The following KCNH8 variants were observed in gnomAD, a reference collection of about 807,000 sequenced individuals.
KCNH8 encodes potassium voltage-gated channel subfamily H member 8.
A neutral mutation model predicts 103.6 loss-of-function variants in KCNH8; 70 were observed. The observed-to-expected ratio is 0.68, with a 90% CI of 0.56 to 0.82. KCNH8 has a LOEUF of 0.82. Among genes scored for constraint, KCNH8 ranks in the 40% least tolerant of loss-of-function variants. The pLI is 0.00. For missense variants in KCNH8, 1,217 were observed against 1,329.9 expected (o/e 0.92, Z 1.32); for synonymous variants, 498 against 489.4 (o/e 1.02, Z -0.23).
intron 1 of KCNH8, among the ~76,000 whole-genome samples, chr3:19,223,203 C>A (rs1183106187): frequency 2.6e-5 from 4 of 152,056 alleles, no homozygotes; most frequent in African/African-American, 9.7e-5. Flanking sequence ...GTCAGCAACT[C>A]CAAATCTGGG....
intron 3 of KCNH8, among the ~76,000 whole-genome samples, chr3:19,307,399 G>C (rs2125294089): frequency 6.6e-6 from 1 of 151,890 alleles, no homozygotes; most frequent in East Asian, 1.9e-4. Flanking sequence ...ATCAAAAAAA[G>C]CAAAGCTGTG....
intron 4 of KCNH8, chr3:19,346,601 C>T: frequency 6.6e-6 from 3 of 456,090 alleles, no homozygotes; most frequent in South Asian, 1.6e-5. Flanking sequence ...TGACAGTCAC[C>T]ACTTAGAGCT....
chr3:19,410,609 G>C (rs1250709398), intron 7 of KCNH8, among the ~76,000 whole-genome samples: 1 of 151,812 alleles, frequency 6.6e-6, no homozygotes, highest in African/African-American at 2.4e-5. Flanking sequence ...CCAAAATTTA[G>C]TTTCTTAAGA....
intron 11 of KCNH8, among the ~76,000 whole-genome samples, chr3:19,462,868 C>T (rs1180372046): frequency 1.3e-5 from 2 of 152,010 alleles, no homozygotes; most frequent in Admixed American, 1.3e-4. Flanking sequence ...CCAGTTTTCC[C>T]AGCACCATTT....
At chr3:19,506,719 G>C (rs1480113332) in intron 11 of KCNH8, among the ~76,000 whole-genome samples, 2 of 152,120 alleles carry the variant, frequency 1.3e-5, no homozygotes, top group African/African-American at 4.8e-5. Context: ...CAGTGACTGT[G>C]ACAGAGGGCC....
chr3:19,328,347 G>A (rs545328753), intron 3 of KCNH8, among the ~76,000 whole-genome samples: 1 of 152,138 alleles, frequency 6.6e-6, no homozygotes, highest in Admixed American at 6.5e-5. Flanking sequence ...GTTATTAATA[G>A]TATTTGTAAC....
chr3:19,300,256 AAAAAAG>A (rs1212937310), intron 3 of KCNH8, among the ~76,000 whole-genome samples: 1 of 145,018 alleles, frequency 6.9e-6, no homozygotes. Flanking sequence ...CTATAAAAAA[AAAAAAG>A]AAAGAAAGAA....
rs528904847 is a variant in KCNH8 at position 19,191,286 on chromosome 3, T to A, written c.76+42491T>A. ...TAAATTAATCATGATCTCACTGTAG[T>A]TGTGTGAGAACATCCATTTCCCCGT... On this transcript the variant is annotated intron_variant, in intron 1 of 15. Coordinates refer to ENST00000328405, the MANE Select transcript of KCNH8 (RefSeq NM_144633.3). Among the ~76,000 whole-genome samples, 22 of 151,934 alleles carry A rather than the reference T, an allele frequency of 1.4e-4. No homozygotes were observed. In the South Asian group the frequency reaches 3.9e-3, roughly 27 times the overall value.
In KCNH8 at chr3:19,154,866, T is replaced by C. The variant is rs533233311; in HGVS notation, c.76+6071T>C. On this transcript the variant is annotated intron_variant, in intron 1 of 15. Coordinates refer to ENST00000328405, the MANE Select transcript of KCNH8 (RefSeq NM_144633.3). The stretch of plus-strand genomic sequence containing the variant: ...TAAAGAGTTGGAACTGCTGCAAAGA[T>C]AGTATGCTTCGCCCTGGCAGTATAT... 5.9e-5 allele frequency among the ~76,000 whole-genome samples: 9 copies of C among 152,344 alleles called. No homozygotes were observed. In the South Asian group the frequency reaches 1.7e-3, roughly 28 times the overall value.
intron 5 of KCNH8, among the ~76,000 whole-genome samples, chr3:19,371,457 G>C (rs1177399365): frequency 1.3e-5 from 2 of 149,286 alleles, no homozygotes; most frequent in Non-Finnish European, 3.0e-5. Flanking sequence ...TGATGGGGTT[G>C]TTTGTTTTTT....
At chr3:19,491,806 T>C (rs968499782) in intron 11 of KCNH8, among the ~76,000 whole-genome samples, 1 of 152,120 alleles carries the variant, frequency 6.6e-6, no homozygotes, top group African/African-American at 2.4e-5. Flanking sequence ...CAGCAACAGC[T>C]TTTCCTTTTC....
intron 11 of KCNH8, among the ~76,000 whole-genome samples, chr3:19,506,147 A>G (rs1287184546): frequency 6.6e-6 from 1 of 152,030 alleles, no homozygotes; most frequent in African/African-American, 2.4e-5. Context: ...TCTGAATTCT[A>G]TTTCTGGCAT....
chr3:19,515,389 C>A lies in KCNH8; in HGVS notation c.2503C>A (p.Arg835=). The A allele has an allele frequency of 1.3e-6, 2 of 1,575,722 alleles. No individual in the cohort carries two copies. The highest frequency in any genetic ancestry group is 8.6e-7 in the Non-Finnish European group (1 of 1,160,734). The change falls in exon 14 of 16, where the codon CGA becomes AGA. Residue 835 remains arginine, a synonymous_variant. Transcript: ENST00000328405. Reference sequence around the variant, plus strand: ...TCAGACTTTTGATTTTGGCTCTGAACGAATCAGATCAGAGCCCAGAATTTC... The same window carrying A: ...TCAGACTTTTGATTTTGGCTCTGAAAGAATCAGATCAGAGCCCAGAATTTC... The part of the protein sequence containing the change: ...ESQTFDFGSE[R]IRSEPRISPP...
At chr3:19,208,045 A>T (rs1225513422) in intron 1 of KCNH8, among the ~76,000 whole-genome samples, 1 of 152,032 alleles carries the variant, frequency 6.6e-6, no homozygotes, top group Non-Finnish European at 1.5e-5. Context: ...TGTTAATTTC[A>T]GTTGAATTAA....
At chr3:19,201,430 T>C (rs2063662011) in intron 1 of KCNH8, among the ~76,000 whole-genome samples, 1 of 152,012 alleles carries the variant, frequency 6.6e-6, no homozygotes, top group African/African-American at 2.4e-5. Context: ...ATTGTGTCAT[T>C]TAATCCCACA....
chr3:19,455,647 G>C (rs573040430), intron 10 of KCNH8, among the ~76,000 whole-genome samples: 2 of 152,100 alleles, frequency 1.3e-5, no homozygotes, highest in Admixed American at 1.3e-4. Flanking sequence ...TGCTTGCCAG[G>C]ACTCAATACA....
intron 2 of KCNH8, among the ~76,000 whole-genome samples, chr3:19,277,099 CAGAA>C (rs754237332): frequency 8.6e-5 from 13 of 151,884 alleles, no homozygotes; most frequent in Admixed American, 2.6e-4. Context: ...AAGTCAAGCA[CAGAA>C]AGACAAATAT....
chr3:19,237,388 G>A (rs1163171197), intron 1 of KCNH8, among the ~76,000 whole-genome samples: 1 of 152,176 alleles, frequency 6.6e-6, no homozygotes, highest in East Asian at 1.9e-4. Context: ...CCTTTAGCTG[G>A]GCACTCTTGT....
At chr3:19,351,516 A>G (rs1159261592) in intron 5 of KCNH8, among the ~76,000 whole-genome samples, 1 of 152,200 alleles carries the variant, frequency 6.6e-6, no homozygotes, top group Non-Finnish European at 1.5e-5. Context: ...AGGGAAGCCC[A>G]TCAGACTAAC....
Sources: gnomAD v4.1 joint callset for allele counts (sites outside exome capture counted in the v4.1 genomes callset) on GRCh38, gnomAD v4.1.1 for gene constraint, MANE v1.5 for transcripts, NCBI Gene and HGNC (gene_info 2026-07-23, HGNC 2026-07-21) for gene names.